Variants in DZIP3 observed in about 807,000 individuals in gnomAD.
The protein encoded by DZIP3 is DAZ interacting zinc finger protein 3, also known as E3 ubiquitin-protein ligase DZIP3.
Under a neutral mutation model 162.0 loss-of-function variants are expected in DZIP3, and 118 were observed. The ratio of observed to expected loss-of-function variants is 0.73; its 90% confidence interval spans 0.63 to 0.85. DZIP3 has a LOEUF of 0.85. DZIP3 is among the 40% of genes least tolerant of loss of function. The probability of loss-of-function intolerance (pLI) is 0.00; values close to 1 mark genes in which losing one functional copy is unlikely to be tolerated. For missense variants in DZIP3, 1,331 were observed against 1,407.0 expected, an observed-to-expected ratio of 0.95 and a Z score of 0.86; for synonymous variants, 438 against 458.6, an observed-to-expected ratio of 0.96 and a Z score of 0.57.
intron 26 of DZIP3, among the ~76,000 whole-genome samples, chr3:108,683,624 G>T (rs776881043): frequency 1.1e-4 from 16 of 152,108 alleles, no homozygotes; most frequent in Non-Finnish European, 1.8e-4. Context: ...GGGAAGTACG[G>T]TAATACCCAC....
chr3:108,646,610 A>T lies in DZIP3; in HGVS notation c.1760-7A>T. On this transcript the variant is annotated splice_polypyrimidine_tract_variant and splice_region_variant and intron_variant, in intron 14 of 32. Coordinates refer to ENST00000361582, the MANE Select transcript of DZIP3 (RefSeq NM_014648.4). ...GTACATCTAAAATTTTTCTTTATGT[A>T]TTATAGGAATTGCTCTACAGTCAAT... 1 of 1,577,068 alleles carries T rather than the reference A, an allele frequency of 6.3e-7. No homozygotes were observed. The highest frequency in any genetic ancestry group is 8.6e-7 in the Non-Finnish European group (1 of 1,157,120).
At chr3:108,614,402 T>A (rs1029271958) in intron 4 of DZIP3, among the ~76,000 whole-genome samples, 10 of 152,212 alleles carry the variant, frequency 6.6e-5, no homozygotes, top group Admixed American at 5.2e-4. Context: ...GGACACATTT[T>A]TTTCTAGTAA....
At chr3:108,656,146 G>A (rs1943106974) in intron 19 of DZIP3, among the ~76,000 whole-genome samples, 1 of 152,188 alleles carries the variant, frequency 6.6e-6, no homozygotes, top group Non-Finnish European at 1.5e-5. Flanking sequence ...GAAGAGAGTA[G>A]TGGTTCTCCC....
At chr3:108,607,592 T>TAAG (rs1940452561) in intron 2 of DZIP3, among the ~76,000 whole-genome samples, 1 of 152,166 alleles carries the variant, frequency 6.6e-6, no homozygotes, top group East Asian at 1.9e-4. Context: ...TGTCAAGTGA[T>TAAG]CCCTTATTAC....
chr3:108,615,063 C>A (rs1370907669), intron 4 of DZIP3, among the ~76,000 whole-genome samples: 1 of 152,120 alleles, frequency 6.6e-6, no homozygotes, highest in African/African-American at 2.4e-5. Context: ...CCATGCACTC[C>A]AATTTTCCCC....
chr3:108,663,360 C>G (rs1482571303), intron 21 of DZIP3, among the ~76,000 whole-genome samples: 2 of 151,952 alleles, frequency 1.3e-5, no homozygotes, highest in African/African-American at 4.8e-5. Flanking sequence ...AGTTCGAAAC[C>G]AGCCTGACCA....
In DZIP3 at chr3:108,648,098, A is replaced by G. The variant is rs755713056; in HGVS notation, c.1948A>G (p.Lys650Glu). 6.3e-7 allele frequency: 1 copy of G among 1,599,500 alleles called. No homozygotes were observed. Among genetic ancestry groups the G allele is most frequent in the Non-Finnish European group, 8.5e-7 (1 of 1,175,716 alleles). The change falls in exon 16 of 33, where the codon AAA becomes GAA. Residue 650 changes from lysine to glutamate, a missense_variant. Coordinates refer to ENST00000361582, the MANE Select transcript of DZIP3 (RefSeq NM_014648.4). ...IPSESSTESLKDLQEVKSKQR... is the reference protein window; with the variant it reads ...IPSESSTESLEDLQEVKSKQR... The stretch of plus-strand genomic sequence containing the variant: ...CAGTGAATCTTCAACAGAATCTCTT[A>G]AAGATCTCCAGGAAGTATAAGCTCT...
chr3:108,590,214 A>G (rs942538316), intron 1 of DZIP3: 11 of 152,184 alleles, frequency 7.2e-5, no homozygotes, highest in African/African-American at 2.7e-4. Context: ...ATATTATTGC[A>G]TGTGTATGTA....
intron 26 of DZIP3, among the ~76,000 whole-genome samples, chr3:108,678,557 C>G (rs1392535385): frequency 1.3e-5 from 2 of 152,080 alleles, no homozygotes; most frequent in African/African-American, 4.8e-5. Context: ...ACAGCTTCCA[C>G]TTCTGCCCCT....
chr3:108,690,643 G>T, intron 31 of DZIP3, 144 bp from the exon 32 acceptor site: 1 of 639,424 alleles, frequency 1.6e-6, no homozygotes. Flanking sequence ...TGCCATGGTT[G>T]CAGCAATTGG....
rs1386767072 is a variant in DZIP3 at position 108,686,520 on chromosome 3, C to G, written c.3085C>G (p.Pro1029Ala). ...TCCCAGTGCAGGTCTGCGGAGTGAT[C>G]CCTCCATCATGAATTGGGAGAGAAT... The part of the protein sequence containing the change: ...VPPSAGLRSD[P>A]SIMNWERITD... Residue 1029 changes from proline (P) to alanine (A), a missense_variant, in exon 28 of 33, where the codon CCC (proline) becomes GCC (alanine). Around this residue, in one of 2 missense-constraint regions of DZIP3, gnomAD observed 1,278 missense variants for 1,317.1 expected, o/e 0.97. Transcript: ENST00000361582. The G allele has an allele frequency of 6.2e-7, 1 of 1,612,574 alleles. No homozygotes were observed.
At chr3:108,650,852 A>G (rs915304223) in intron 17 of DZIP3, among the ~76,000 whole-genome samples, 2 of 151,716 alleles carry the variant, frequency 1.3e-5, no homozygotes, top group African/African-American at 2.4e-5. Context: ...AATAAGACCA[A>G]TTTAGTAGAT....
intron 4 of DZIP3, among the ~76,000 whole-genome samples, chr3:108,613,884 G>A (rs1441400954): frequency 6.6e-6 from 1 of 152,024 alleles, no homozygotes; most frequent in Non-Finnish European, 1.5e-5. Context: ...CTCTAATCTA[G>A]GTAACCAATT....
intron 20 of DZIP3, 32 bp downstream of exon 20, chr3:108,662,004 G>A (rs777341498): frequency 3.7e-6 from 6 of 1,600,014 alleles, no homozygotes; most frequent in East Asian, 4.5e-5. Context: ...TCTGATGGAA[G>A]TGAGAAGTAT....
At chr3:108,675,438 T>C (rs1944068245) in intron 24 of DZIP3, among the ~76,000 whole-genome samples, 1 of 152,040 alleles carries the variant, frequency 6.6e-6, no homozygotes, top group Non-Finnish European at 1.5e-5. Flanking sequence ...GTCAACATTT[T>C]AGAGAACACT....
intron 24 of DZIP3, among the ~76,000 whole-genome samples, chr3:108,674,945 C>T (rs1009774179): frequency 6.6e-5 from 10 of 151,880 alleles, no homozygotes; most frequent in African/African-American, 2.4e-4. Context: ...GATGTGCACT[C>T]AAGTCAGGGA....
At chr3:108,648,293 C>T in intron 16 of DZIP3, 181 bp downstream of exon 16, 1 of 499,078 alleles carries the variant, frequency 2.0e-6, no homozygotes, top group East Asian at 3.6e-5. Flanking sequence ...ATAATCTTTC[C>T]TGCCATAACC....
chr3:108,644,081 G>A (rs1232429565), intron 13 of DZIP3, 83 bp from the exon 14 acceptor site: 1 of 1,450,856 alleles, frequency 6.9e-7, no homozygotes, highest in Non-Finnish European at 9.2e-7. Context: ...TTATCCTACA[G>A]GAGCTTAGGA....
In DZIP3 at chr3:108,694,418, A is replaced by G. The variant is rs1944802619; in HGVS notation, c.*1065A>G. 1 of 158,284 alleles carries G rather than the reference A, an allele frequency of 6.3e-6. No homozygotes were observed. The highest frequency in any genetic ancestry group is 2.4e-5 in the African/African-American group (1 of 41,548). The allele number at this position is 158,284 out of a possible 1,614,324, so 9.8% of individuals were successfully genotyped here. On this transcript the variant is annotated 3_prime_UTR_variant, in exon 33 of 33. Coordinates refer to ENST00000361582, the MANE Select transcript of DZIP3 (RefSeq NM_014648.4). ...ATAAAGACATACCTGAGATTGGGCA[A>G]TTTACAAAAGAAAGAGGTTTAACGG...
Sources: gnomAD v4.1 joint callset for allele counts (sites outside exome capture counted in the v4.1 genomes callset) on GRCh38, gnomAD v4.1.1 for gene constraint, gnomAD v4.1.1 regional missense constraint, MANE v1.5 for transcripts, NCBI Gene and HGNC (gene_info 2026-07-23, HGNC 2026-07-21) for gene names.